Variants in KIF21A observed in about 807,000 individuals in gnomAD.
KIF21A encodes the protein kinesin-like protein KIF21A.
Under a neutral mutation model 202.9 loss-of-function variants are expected in KIF21A, and 114 were observed. The observed-to-expected ratio is 0.56, with a 90% CI of 0.48 to 0.66. The LOEUF (loss-of-function observed/expected upper bound fraction) is 0.66. Ranked by LOEUF, KIF21A falls within the 30% of genes least tolerant of loss-of-function variation. KIF21A has a pLI of 0.00. For missense variants in KIF21A, 1,677 were observed against 1,994.9 expected, an observed-to-expected ratio of 0.84 and a Z score of 3.04; for synonymous variants, 667 against 670.8, an observed-to-expected ratio of 0.99 and a Z score of 0.09.
chr12:39,434,626 T>TTA (rs1396040667), intron 1 of KIF21A, among the ~76,000 whole-genome samples: 1 of 152,240 alleles, frequency 6.6e-6, no homozygotes, highest in Non-Finnish European at 1.5e-5. Context: ...GCTCATTTTA[T>TTA]TATAGCACAT....
chr12:39,341,181 A>G, intron 14 of KIF21A, 87 bp from the exon 15 acceptor site: 1 of 1,073,692 alleles, frequency 9.3e-7, no homozygotes, highest in South Asian at 1.4e-5. Flanking sequence ...AAAACCATCA[A>G]CTAGGTATTT....
intron 21 of KIF21A, 118 bp downstream of exon 21, chr12:39,332,096 A>T: frequency 1.1e-6 from 1 of 934,692 alleles, no homozygotes; most frequent in Non-Finnish European, 1.7e-6. Context: ...AAACCTAAGC[A>T]TTAGATTAGA....
At position 39,367,904 on chromosome 12, in the gene KIF21A, A is replaced by C; in HGVS notation, c.579T>G (p.Arg193=). ...GGIYTVGVTT[R]TVNTESEMMQ... ...TTACCTCTGATTCTGTATTCACAGT[A>C]CGTGTTGTAACGCCCACAGTATAAA... Residue 193 remains arginine (R), a synonymous_variant, in exon 4 of 38, where the codon CGT becomes CGG. Coordinates refer to ENST00000361418, the MANE Select transcript of KIF21A (RefSeq NM_001173464.2). 2.5e-6 allele frequency: 4 copies of C among 1,608,694 alleles called. No homozygotes were observed. Among genetic ancestry groups the C allele is most frequent in the Non-Finnish European group, 3.4e-6 (4 of 1,175,426 alleles).
At chr12:39,334,766 G>A (rs1017136095) in intron 17 of KIF21A, among the ~76,000 whole-genome samples, 33 of 152,154 alleles carry the variant, frequency 2.2e-4, no homozygotes, top group Admixed American at 5.9e-4. Context: ...AAGGGAGAGG[G>A]AGTATGAATG....
chr12:39,303,682 T>C (rs555748877), intron 35 of KIF21A, among the ~76,000 whole-genome samples: 1 of 152,270 alleles, frequency 6.6e-6, no homozygotes, highest in Non-Finnish European at 1.5e-5. Context: ...AATAAAAATA[T>C]TACATATCAA....
intron 1 of KIF21A, among the ~76,000 whole-genome samples, chr12:39,436,329 T>A (rs1938678740): frequency 6.6e-6 from 1 of 150,418 alleles, no homozygotes; most frequent in South Asian, 2.1e-4. Flanking sequence ...ACACCTCAAC[T>A]ATCTCGAAGA....
chr12:39,437,232 A>G (rs531400065), intron 1 of KIF21A, among the ~76,000 whole-genome samples: 1 of 152,304 alleles, frequency 6.6e-6, no homozygotes, highest in African/African-American at 2.4e-5. Context: ...TCACTACCCC[A>G]TAATTAGGCA....
At position 39,408,750 on chromosome 12, in the gene KIF21A, C is replaced by T. The variant is rs991139787; in HGVS notation, c.44+34177G>A. On this transcript the variant is annotated intron_variant, in intron 1 of 37. Transcript: ENST00000361418. The stretch of plus-strand genomic sequence containing the variant: ...AGTGGGATGCTCTCAACACATAACA[C>T]ATGTATAATTAGAGTCCCAGAACAA... Among the ~76,000 whole-genome samples, 4 of 151,564 alleles carry T rather than the reference C, an allele frequency of 2.6e-5. No individual in the cohort carries two copies. The South Asian group carries it at 8.3e-4, about 31-fold the overall frequency.
intron 1 of KIF21A, among the ~76,000 whole-genome samples, chr12:39,432,725 G>A (rs933554850): frequency 1.3e-5 from 2 of 151,634 alleles, no homozygotes; most frequent in African/African-American, 2.4e-5. Flanking sequence ...ATTCTCTTCC[G>A]CCAGCCTCCC....
chr12:39,314,510 A>T (rs1458654276), intron 31 of KIF21A, among the ~76,000 whole-genome samples: 2 of 151,888 alleles, frequency 1.3e-5, no homozygotes, highest in African/African-American at 4.8e-5. Flanking sequence ...TCAAACAGAA[A>T]ATATATATGT....
intron 1 of KIF21A, among the ~76,000 whole-genome samples, chr12:39,441,191 T>C (rs1939524902): frequency 6.6e-6 from 1 of 152,090 alleles, no homozygotes; most frequent in Non-Finnish European, 1.5e-5. Context: ...TAAAAAGTCC[T>C]AACATACACA....
In KIF21A at chr12:39,307,704, C is replaced by T. The variant is rs1305397666; in HGVS notation, c.4303G>A (p.Asp1435Asn). 6 of 1,613,912 alleles carry T rather than the reference C, an allele frequency of 3.7e-6. No individual in the cohort carries two copies. The highest frequency in any genetic ancestry group is 5.1e-6 in the Non-Finnish European group (6 of 1,179,962). The change falls in exon 34 of 38, where the codon GAT (aspartate) becomes AAT (asparagine). Residue 1435 changes from aspartate (D) to asparagine (N), a missense_variant. Asp to Asn is a conservative substitution (Grantham distance 23). Coordinates refer to ENST00000361418, the MANE Select transcript of KIF21A (RefSeq NM_001173464.2). ...CGACTGGTACTTGCAGAACAAGCAT[C>T]TCCAAGAGTAACTTGACCTGAAGAC... Reference protein sequence around the residue: ...LTSSGQVTLGDACSASTSRTV... With the variant: ...LTSSGQVTLGNACSASTSRTV...
intron 35 of KIF21A, among the ~76,000 whole-genome samples, chr12:39,304,121 A>G (rs1363088358): frequency 6.6e-6 from 1 of 152,132 alleles, no homozygotes; most frequent in African/African-American, 2.4e-5. Context: ...AGGGTATAGA[A>G]TCCTCTTTTC....
At position 39,367,923 on chromosome 12, in the gene KIF21A, G is replaced by A. The variant is rs1949707447; in HGVS notation, c.560C>T (p.Thr187Ile). 1.9e-6 allele frequency: 3 copies of A among 1,609,238 alleles called. No homozygotes were observed. The highest frequency in any genetic ancestry group is 1.7e-6 in the Non-Finnish European group (2 of 1,175,970). ...IHEDSTGGIY[T>I]VGVTTRTVNT... is the part of the protein sequence containing the mutation. ...CACAGTACGTGTTGTAACGCCCACA[G>A]TATAAATTCCTCCAGTTGAATCTTC... Residue 187 changes from threonine (T) to isoleucine (I), a missense_variant, in exon 4 of 38, where the codon ACT becomes ATT. Transcript: ENST00000361418.
chr12:39,441,660 T>TAGAAAAAAAAAAAAAAAAAAAAA (rs1939602538), intron 1 of KIF21A, among the ~76,000 whole-genome samples: 1 of 37,788 alleles, frequency 2.6e-5, no homozygotes, highest in Non-Finnish European at 5.6e-5. Flanking sequence ...CCCTGGGTGG[T>TAGAAAAAAAAAAAAAAAAAAAAA]AAAAAAAAAA....
chr12:39,347,630 C>T (rs1948012642), intron 11 of KIF21A, among the ~76,000 whole-genome samples: 1 of 152,020 alleles, frequency 6.6e-6, no homozygotes, highest in African/African-American at 2.4e-5. Flanking sequence ...GTTTTCACAT[C>T]AACTTATATG....
chr12:39,437,191 T>G (rs1275587952), intron 1 of KIF21A, among the ~76,000 whole-genome samples: 6 of 152,204 alleles, frequency 3.9e-5, no homozygotes, highest in Non-Finnish European at 7.3e-5. Flanking sequence ...GCTTTCATGG[T>G]TTCACTAAAC....
intron 10 of KIF21A, among the ~76,000 whole-genome samples, chr12:39,354,352 T>C (rs982493182): frequency 2.6e-5 from 4 of 152,146 alleles, no homozygotes; most frequent in Admixed American, 1.3e-4. Flanking sequence ...ATATACAGTC[T>C]GGTGTCATTT....
chr12:39,317,533 C>T (rs371913725), intron 29 of KIF21A, among the ~76,000 whole-genome samples: 1 of 152,134 alleles, frequency 6.6e-6, no homozygotes, highest in African/African-American at 2.4e-5. Flanking sequence ...CAACCCACTC[C>T]CAGTCCTACT....
Sources: gnomAD v4.1 joint callset for allele counts (sites outside exome capture counted in the v4.1 genomes callset) on GRCh38, gnomAD v4.1.1 for gene constraint, MANE v1.5 for transcripts, NCBI Gene and HGNC (gene_info 2026-07-23, HGNC 2026-07-21) for gene names.